Variants in HIVEP3 observed in about 807,000 individuals in gnomAD.
The protein encoded by HIVEP3 is transcription factor HIVEP3.
Under a neutral mutation model 152.8 loss-of-function variants are expected in HIVEP3, and 49 were observed. That is an observed-to-expected ratio of 0.32 (90% CI 0.26 to 0.41). The LOEUF is 0.41. Ranked by LOEUF, HIVEP3 falls within the 10% of genes least tolerant of loss-of-function variation. HIVEP3 has a pLI of 1.00. For missense variants in HIVEP3, 2,790 were observed against 3,103.3 expected (o/e 0.90, Z 2.40); for synonymous variants, 1,269 against 1,289.0 (o/e 0.98, Z 0.33).
At chr1:41,864,777 CA>C (rs1257347403) in intron 1 of HIVEP3, 3 of 152,278 alleles carry the variant, frequency 2.0e-5, no homozygotes, top group Non-Finnish European at 4.4e-5. Context: ...GTCCAGATTG[CA>C]AATTGCTTTA....
At chr1:41,835,624 C>T (rs963920067) in intron 1 of HIVEP3, among the ~76,000 whole-genome samples, 1 of 152,212 alleles carries the variant, frequency 6.6e-6, no homozygotes, top group African/African-American at 2.4e-5. Flanking sequence ...TTCAGACAAA[C>T]TGATGGACAA....
At chr1:41,654,269 T>C (rs973584476) in intron 2 of HIVEP3, among the ~76,000 whole-genome samples, 1 of 152,202 alleles carries the variant, frequency 6.6e-6, no homozygotes, top group Non-Finnish European at 1.5e-5. Flanking sequence ...GAATCTCCAA[T>C]AGAAAATTCC....
intron 5 of HIVEP3, among the ~76,000 whole-genome samples, chr1:41,525,604 C>G (rs1298537308): frequency 6.6e-6 from 1 of 152,236 alleles, no homozygotes; most frequent in Non-Finnish European, 1.5e-5. Context: ...AGCTCTCCCC[C>G]TCACCTGCAC....
intron 5 of HIVEP3, among the ~76,000 whole-genome samples, chr1:41,548,529 C>A (rs183267488): frequency 5.2e-5 from 7 of 134,720 alleles, no homozygotes; most frequent in South Asian, 5.0e-4. Flanking sequence ...CCACTTGAAC[C>A]ATTTTGGGTT....
At chr1:41,804,284 T>C (rs1394846659) in intron 1 of HIVEP3, among the ~76,000 whole-genome samples, 3 of 152,118 alleles carry the variant, frequency 2.0e-5, no homozygotes, top group Non-Finnish European at 4.4e-5. Context: ...TCACCCACAG[T>C]TCTGTATTTT....
Position 41,510,815 on chromosome 1 carries a change from C to T in HIVEP3, c.6857G>A (p.Gly2286Asp). The T allele has an allele frequency of 6.2e-7, 1 of 1,612,366 alleles. No homozygotes were observed. The highest frequency in any genetic ancestry group is 1.3e-5 in the African/African-American group (1 of 75,034). Residue 2286 changes from glycine (G) to aspartate (D), a missense_variant, in exon 9 of 9, where the codon GGC (glycine) becomes GAC (aspartate). Coordinates refer to ENST00000372583, the MANE Select transcript of HIVEP3 (RefSeq NM_024503.5). The stretch of plus-strand genomic sequence containing the variant: ...ATGGGGTGTCCAGTCAGGAGGCCTG[C>T]CCGGGCCTCCGCCGGTCCTCTCCCT... ...KERERTGGGPGRPPDWTPHGT... is the reference protein window; with the variant it reads ...KERERTGGGPDRPPDWTPHGT...
intron 3 of HIVEP3, among the ~76,000 whole-genome samples, chr1:41,622,425 A>G (rs1645059469): frequency 6.6e-6 from 1 of 152,206 alleles, no homozygotes; most frequent in Non-Finnish European, 1.5e-5. Context: ...TAACGGGAAC[A>G]GGCTGAACTG....
chr1:41,688,907 C>A (rs1407160628), intron 2 of HIVEP3, among the ~76,000 whole-genome samples: 2 of 152,034 alleles, frequency 1.3e-5, no homozygotes, highest in Admixed American at 6.5e-5. Flanking sequence ...CACAAGAAAG[C>A]TCTTACCTCT....
chr1:41,862,758 A>G (rs1026105649), intron 1 of HIVEP3, among the ~76,000 whole-genome samples: 2 of 152,326 alleles, frequency 1.3e-5, no homozygotes, highest in Non-Finnish European at 2.9e-5. Flanking sequence ...CAGGTCAGAG[A>G]CTTAGGTTTT....
intron 1 of HIVEP3, among the ~76,000 whole-genome samples, chr1:42,017,987 C>A (rs904504380): frequency 6.6e-6 from 1 of 152,038 alleles, no homozygotes; most frequent in Non-Finnish European, 1.5e-5. Context: ...TGTAGACATA[C>A]CTTTTTGTAG....
intron 1 of HIVEP3, among the ~76,000 whole-genome samples, chr1:41,986,492 C>A (rs1201965863): frequency 1.4e-5 from 2 of 144,826 alleles, no homozygotes; most frequent in African/African-American, 5.2e-5. Flanking sequence ...CCAGGCCAGA[C>A]TGCAGTGGCG....
chr1:41,980,552 G>A (rs1645288586), intron 1 of HIVEP3, among the ~76,000 whole-genome samples: 1 of 152,210 alleles, frequency 6.6e-6, no homozygotes, highest in African/African-American at 2.4e-5. Context: ...GGGATGGGGT[G>A]AAGATTGCCT....
chr1:41,891,695 TTCTC>T (rs1644449544), intron 1 of HIVEP3, among the ~76,000 whole-genome samples: 1 of 152,198 alleles, frequency 6.6e-6, no homozygotes, highest in Non-Finnish European at 1.5e-5. Flanking sequence ...GTAACTCACT[TTCTC>T]TTTCTGTTCT....
chr1:41,619,726 G>A (rs10890144), intron 3 of HIVEP3, among the ~76,000 whole-genome samples: 64 of 151,982 alleles, frequency 4.2e-4, no homozygotes, highest in African/African-American at 1.3e-3. Flanking sequence ...CTCCAGGGAG[G>A]TCAGCTGGGA....
In HIVEP3 at chr1:41,583,827, C is replaced by T. The variant is rs1644460226; in HGVS notation, c.971G>A (p.Cys324Tyr). The T allele has an allele frequency of 1.2e-6, 2 of 1,604,288 alleles. No individual in the cohort carries two copies. The highest frequency in any genetic ancestry group is 1.7e-6 in the Non-Finnish European group (2 of 1,174,864). The part of the protein sequence containing the change: ...SGSHSSSHER[C>Y]SLSQSSTAQS... ...GGCTGTGCTGGACTGGGACAGGGAA[C>T]AGCGTTCGTGGCTGGAACTGTGGCT... The change falls in exon 4 of 9, where the codon TGT becomes TAT. Residue 324 changes from cysteine to tyrosine, a missense_variant. By Grantham distance (194) the Cys-to-Tyr change is radical. Transcript: ENST00000372583. The surrounding 1 kb of genome is among the most constrained non-coding windows in gnomAD (Gnocchi z 6.9).
rs540375142 is a variant in HIVEP3 at position 42,006,130 on chromosome 1, T to C, written n.119+29677A>G. On this transcript the variant is annotated intron_variant and non_coding_transcript_variant, in intron 1 of 3. Coordinates refer to the HIVEP3 transcript ENST00000489103. ...TGCAATCTTCCCCATTTCCTCCAGA[T>C]GATAAAACCATATGAAGCAAAACTT... is the stretch of plus-strand genomic sequence containing the variant. Among the ~76,000 whole-genome samples, 35 of 152,264 alleles carry C rather than the reference T, an allele frequency of 2.3e-4. 1 individual carries two copies. Among genetic ancestry groups the C allele is most frequent in the Admixed American group, 1.0e-3 (16 of 15,288 alleles).
At chr1:41,562,468 T>C (rs1368122360) in intron 5 of HIVEP3, among the ~76,000 whole-genome samples, 1 of 152,202 alleles carries the variant, frequency 6.6e-6, no homozygotes, top group Admixed American at 6.5e-5. Flanking sequence ...AAAAACTTTC[T>C]TCCTTTTCTT....
At chr1:41,942,054 G>A (rs893721256) in intron 1 of HIVEP3, among the ~76,000 whole-genome samples, 2 of 152,178 alleles carry the variant, frequency 1.3e-5, no homozygotes, top group African/African-American at 4.8e-5. Context: ...GGAAGGACAT[G>A]GAGAAAGAAG....
chr1:41,562,001 G>C (rs771889097), intron 5 of HIVEP3, among the ~76,000 whole-genome samples: 1 of 152,156 alleles, frequency 6.6e-6, no homozygotes. Flanking sequence ...AGGCAAGGAA[G>C]AAAGAAGAGG....
Sources: gnomAD v4.1 joint callset for allele counts (sites outside exome capture counted in the v4.1 genomes callset) on GRCh38, gnomAD v4.1.1 for gene constraint, Gnocchi (gnomAD v3.1) non-coding constraint, MANE v1.5 for transcripts, NCBI Gene and HGNC (gene_info 2026-07-23, HGNC 2026-07-21) for gene names.